Variants in ADAMTSL1 observed in about 807,000 individuals in gnomAD.
ADAMTSL1 encodes ADAMTS like 1.
A neutral mutation model predicts 201.8 loss-of-function variants in ADAMTSL1; 126 were observed. That is an observed-to-expected ratio of 0.62 (90% CI 0.54 to 0.72). The LOEUF is 0.72. Among genes scored for constraint, ADAMTSL1 ranks in the 30% least tolerant of loss-of-function variants. ADAMTSL1 has a pLI of 0.00. For missense variants in ADAMTSL1, 2,679 were observed against 2,277.8 expected (o/e 1.18, Z -3.59); for synonymous variants, 1,121 against 903.4 (o/e 1.24, Z -4.32).
intron 21 of ADAMTSL1, among the ~76,000 whole-genome samples, chr9:18,822,973 A>G (rs1451073154): frequency 6.6e-6 from 1 of 152,158 alleles, no homozygotes; most frequent in Non-Finnish European, 1.5e-5. Context: ...AAAAAGAAAA[A>G]AAAACTTTAT....
chr9:18,092,809 C>A (rs527349630), intron 1 of ADAMTSL1, among the ~76,000 whole-genome samples: 178 of 152,270 alleles, frequency 1.2e-3, no homozygotes, highest in African/African-American at 4.1e-3. Context: ...CAAACTGTTT[C>A]TTTAGAGCTA....
chr9:18,889,591 C>A lies in ADAMTSL1; in HGVS notation c.4486C>A (p.Leu1496Met), dbSNP rs371302350. The A allele has an allele frequency of 2.5e-6, 4 of 1,613,912 alleles. No homozygotes were observed. The highest frequency in any genetic ancestry group is 2.7e-5 in the African/African-American group (2 of 75,066). The part of the protein sequence containing the change: ...IQDYWWSVDR[L>M]ATCSASCGNR... ...AGATTACTGGTGGTCTGTGGACAGACTGGCAACCTGCTCAGCCTCCTGTGG... is the reference window on the plus strand; with the variant it reads ...AGATTACTGGTGGTCTGTGGACAGAATGGCAACCTGCTCAGCCTCCTGTGG... The change falls in exon 25 of 29, where the codon CTG (leucine) becomes ATG (methionine). Residue 1496 changes from leucine (L) to methionine (M), a missense_variant. Transcript: ENST00000380548.
At chr9:18,500,793 G>A (rs188285933) in intron 1 of ADAMTSL1, among the ~76,000 whole-genome samples, 1 of 152,262 alleles carries the variant, frequency 6.6e-6, no homozygotes, top group Non-Finnish European at 1.5e-5. Context: ...GACTTTTTAT[G>A]ATACATCTAC....
chr9:18,187,730 T>C lies in ADAMTSL1; in HGVS notation c.207+23749T>C, dbSNP rs186118586. ...TTAAAATTATACAATAAATATGTAA[T>C]AAGAAGGAAGGATGGCAGAAAAAAA... On this transcript the variant is annotated intron_variant, in intron 2 of 29. Coordinates refer to the ADAMTSL1 transcript ENST00000680146. Among the ~76,000 whole-genome samples, 49 of 151,970 alleles carry C rather than the reference T, an allele frequency of 3.2e-4. 1 individual carries two copies. In the East Asian group the frequency reaches 7.6e-3, roughly 23 times the overall value.
At chr9:18,500,736 G>A (rs1407594442) in intron 1 of ADAMTSL1, among the ~76,000 whole-genome samples, 5 of 152,166 alleles carry the variant, frequency 3.3e-5, no homozygotes, top group Admixed American at 2.0e-4. Flanking sequence ...ATAAGAAAGG[G>A]TTTTATAATG....
Position 18,777,264 on chromosome 9 carries a change from G to T in ADAMTSL1, c.3035G>T (p.Gly1012Val). The T allele has an allele frequency of 6.2e-7, 1 of 1,610,590 alleles. No homozygotes were observed. The change falls in exon 19 of 29, where the codon GGC becomes GTC. Residue 1012 changes from glycine (G) to valine (V), a missense_variant. Physicochemically the swap from Gly to Val is moderately radical, Grantham distance 109. Coordinates refer to ENST00000380548, the MANE Select transcript of ADAMTSL1 (RefSeq NM_001040272.6). ...FSNGSKAEKR[G>V]LAANPGSRYD... is the part of the protein sequence containing the mutation. ...AACGGCAGCAAGGCGGAGAAGCGGG[G>T]CCTGGCCGCCAACCCGGGGAGCCGC...
At chr9:18,266,269 G>C (rs1832113935) in intron 2 of ADAMTSL1, among the ~76,000 whole-genome samples, 1 of 152,188 alleles carries the variant, frequency 6.6e-6, no homozygotes, top group Non-Finnish European at 1.5e-5. Context: ...TTGGTGGGAA[G>C]AATGCCTTAG....
chr9:18,404,290 C>G (rs1255356113), intron 2 of ADAMTSL1, among the ~76,000 whole-genome samples: 1 of 152,162 alleles, frequency 6.6e-6, no homozygotes, highest in African/African-American at 2.4e-5. Flanking sequence ...CTCCTGAATA[C>G]TTTAAGGCCT....
chr9:18,199,553 T>C (rs895855816), intron 2 of ADAMTSL1, among the ~76,000 whole-genome samples: 1 of 152,092 alleles, frequency 6.6e-6, no homozygotes, highest in African/African-American at 2.4e-5. Context: ...ATTTTGACAG[T>C]TTTATCATTT....
chr9:18,626,839 TTTTCTTTC>T (rs752168419), intron 5 of ADAMTSL1, among the ~76,000 whole-genome samples: 18 of 133,364 alleles, frequency 1.3e-4, no homozygotes, highest in South Asian at 2.5e-4. Context: ...CTTACTTTCT[TTTTCTTTC>T]TTTCTTTCTT....
chr9:17,926,372 C>A (rs751638597), intron 1 of ADAMTSL1, among the ~76,000 whole-genome samples: 28 of 152,166 alleles, frequency 1.8e-4, no homozygotes, highest in Non-Finnish European at 1.5e-5. Context: ...GATGGTTTAA[C>A]ACCACCAAGG....
intron 1 of ADAMTSL1, among the ~76,000 whole-genome samples, chr9:18,478,134 T>C (rs10511657): frequency 0.079 from 12,000 of 152,252 alleles, 645 homozygotes; most frequent in Non-Finnish European, 0.12. Flanking sequence ...TTACTCTAAC[T>C]TAGGAGATTC....
chr9:18,215,022 AAAC>A (rs1830012258), intron 2 of ADAMTSL1, among the ~76,000 whole-genome samples: 2 of 152,282 alleles, frequency 1.3e-5, no homozygotes, highest in African/African-American at 4.8e-5. Context: ...AAAATTGAAA[AAAC>A]AACAACTAAA....
At position 18,409,021 on chromosome 9, in the gene ADAMTSL1, T is replaced by A. The variant is rs1167037166; in HGVS notation, c.208-95808T>A. On this transcript the variant is annotated intron_variant, in intron 2 of 29. Coordinates refer to the ADAMTSL1 transcript ENST00000680146. ...TTCCTGCTCTTTTAACTTACTAAGA[T>A]CATGGAAATTAGAACTATAAGGAAT... Among the ~76,000 whole-genome samples the A allele has an allele frequency of 1.3e-5, 2 of 152,114 alleles. 1 individual carries two copies. The highest frequency in any genetic ancestry group is 3.9e-4 in the East Asian group (2 of 5,192).
intron 4 of ADAMTSL1, among the ~76,000 whole-genome samples, chr9:18,597,898 A>G (rs1824369922): frequency 6.6e-6 from 1 of 152,168 alleles, no homozygotes; most frequent in Non-Finnish European, 1.5e-5. Context: ...TGCTTTCCAG[A>G]GTCAGGAAAA....
chr9:18,656,930 CT>C (rs1828722450), intron 7 of ADAMTSL1, among the ~76,000 whole-genome samples: 2 of 151,518 alleles, frequency 1.3e-5, no homozygotes, highest in South Asian at 2.1e-4. Flanking sequence ...CACATACCCC[CT>C]TTAAAAAAAA....
chr9:18,471,373 C>T (rs1821204033), upstream of ADAMTSL1, among the ~76,000 whole-genome samples: 1 of 152,170 alleles, frequency 6.6e-6, no homozygotes, highest in Non-Finnish European at 1.5e-5. Context: ...AAGCTTTAGT[C>T]AAGTCACTTA....
intron 2 of ADAMTSL1, among the ~76,000 whole-genome samples, chr9:18,435,963 C>T (rs948056054): frequency 3.9e-5 from 6 of 152,110 alleles, no homozygotes; most frequent in African/African-American, 1.4e-4. Flanking sequence ...GGTCATGGAG[C>T]CAAACCATAT....
At chr9:18,417,687 A>T (rs1230892109) in intron 2 of ADAMTSL1, among the ~76,000 whole-genome samples, 1 of 152,134 alleles carries the variant, frequency 6.6e-6, no homozygotes, top group Non-Finnish European at 1.5e-5. Flanking sequence ...GATTAAATAG[A>T]ATCTGAGTAG....
Sources: allele counts gnomAD v4.1 joint callset (sites outside exome capture counted in the v4.1 genomes callset), GRCh38; gene constraint gnomAD v4.1.1; transcripts MANE v1.5; gene names NCBI Gene and HGNC (gene_info 2026-07-23, HGNC 2026-07-21).